JMJD1C: variants seen among roughly 807,000 people sequenced by gnomAD.
The protein encoded by JMJD1C is jumonji domain containing 1C, also known as jumonji domain-containing protein 1C.
A neutral mutation model predicts 245.3 loss-of-function variants in JMJD1C; 31 were observed. That is an observed-to-expected ratio of 0.13 (90% CI 0.09 to 0.17). JMJD1C has a LOEUF of 0.17. JMJD1C is among the 10% of genes least tolerant of loss of function. JMJD1C has a pLI of 1.00. For missense variants in JMJD1C, 2,691 were observed against 3,000.2 expected (o/e 0.90, Z 2.41); for synonymous variants, 1,057 against 1,017.4 (o/e 1.04, Z -0.74).
chr10:63,394,385 CAGGGAGAA>C (rs1015676451), intron 1 of JMJD1C, among the ~76,000 whole-genome samples: 7 of 152,104 alleles, frequency 4.6e-5, no homozygotes, highest in African/African-American at 1.7e-4. Flanking sequence ...TGAATGCCTG[CAGGGAGAA>C]AGTAAATAAA....
chr10:63,295,192 C>A (rs938563622), intron 2 of JMJD1C, among the ~76,000 whole-genome samples: 2 of 151,940 alleles, frequency 1.3e-5, no homozygotes, highest in South Asian at 4.2e-4. Context: ...CTCCTCAGAT[C>A]AAGTGATCCT....
At chr10:63,485,837 G>A (rs1472346107) in intron 1 of JMJD1C, among the ~76,000 whole-genome samples, 1 of 152,154 alleles carries the variant, frequency 6.6e-6, no homozygotes, top group Non-Finnish European at 1.5e-5. Context: ...GCCAGGTACT[G>A]TTGCCTTGTA....
At position 63,301,461 on chromosome 10, in the gene JMJD1C, G is replaced by A. The variant is rs544286076; in HGVS notation, c.334-36697C>T. Among the ~76,000 whole-genome samples the A allele has an allele frequency of 1.0e-3, 158 of 152,352 alleles. 1 individual carries two copies. Among genetic ancestry groups the A allele is most frequent in the African/African-American group, 3.7e-3 (153 of 41,590 alleles). On this transcript the variant is annotated intron_variant, in intron 2 of 25. Coordinates refer to ENST00000399262, the MANE Select transcript of JMJD1C (RefSeq NM_032776.3). ...ATGCATTCTTATGTTTTCTTCCAGA[G>A]ATATGGTATGCATATTCAAGCACAC...
At chr10:63,321,096 G>A (rs1189403547) in intron 2 of JMJD1C, among the ~76,000 whole-genome samples, 2 of 152,224 alleles carry the variant, frequency 1.3e-5, no homozygotes, top group Non-Finnish European at 2.9e-5. Flanking sequence ...CACGTGCCAG[G>A]TGGGTGGCAC....
At chr10:63,237,767 C>T (rs1332931439) in intron 3 of JMJD1C, among the ~76,000 whole-genome samples, 1 of 152,016 alleles carries the variant, frequency 6.6e-6, no homozygotes, top group African/African-American at 2.4e-5. Flanking sequence ...CCAAAATGCT[C>T]CAATGAGCAC....
chr10:63,294,818 A>G (rs556416739), intron 2 of JMJD1C, among the ~76,000 whole-genome samples: 1 of 152,320 alleles, frequency 6.6e-6, no homozygotes, highest in East Asian at 1.9e-4. Flanking sequence ...TATTTTCCAT[A>G]GTATCTAAAA....
chr10:63,422,432 T>G (rs571829615), intron 1 of JMJD1C, among the ~76,000 whole-genome samples: 1 of 152,230 alleles, frequency 6.6e-6, no homozygotes, highest in Non-Finnish European at 1.5e-5. Flanking sequence ...AAAAGAACAC[T>G]TGCCATTTGC....
intron 1 of JMJD1C, among the ~76,000 whole-genome samples, chr10:63,476,151 A>G (rs186801220): frequency 6.6e-6 from 1 of 151,938 alleles, no homozygotes; most frequent in Non-Finnish European, 1.5e-5. Flanking sequence ...AAGAGGTTGC[A>G]GTGAGCCGAG....
intron 3 of JMJD1C, among the ~76,000 whole-genome samples, chr10:63,260,395 C>T (rs1007069037): frequency 3.9e-5 from 6 of 152,042 alleles, no homozygotes; most frequent in African/African-American, 7.2e-5. Flanking sequence ...GGTGTGTGCA[C>T]GGCCAGTAGC....
intron 1 of JMJD1C, among the ~76,000 whole-genome samples, chr10:63,449,734 G>A (rs572464172): frequency 6.6e-6 from 1 of 152,172 alleles, no homozygotes; most frequent in South Asian, 2.1e-4. Context: ...AATAGCTGGA[G>A]GGATACTACA....
At chr10:63,285,203 GA>G (rs1457890928) in intron 2 of JMJD1C, among the ~76,000 whole-genome samples, 2 of 152,096 alleles carry the variant, frequency 1.3e-5, no homozygotes, top group African/African-American at 4.8e-5. Context: ...ACGCACGACA[GA>G]AAAAGCATTA....
intron 13 of JMJD1C, among the ~76,000 whole-genome samples, chr10:63,196,800 A>G (rs1323492275): frequency 6.6e-6 from 1 of 152,098 alleles, no homozygotes; most frequent in Non-Finnish European, 1.5e-5. Context: ...TGATTCATTT[A>G]ATTACTTCCT....
At chr10:63,463,919 A>C (rs910671139) in intron 1 of JMJD1C, among the ~76,000 whole-genome samples, 1 of 152,146 alleles carries the variant, frequency 6.6e-6, no homozygotes, top group Non-Finnish European at 1.5e-5. Context: ...ACATATGCAA[A>C]CTTAACTCTT....
chr10:63,234,384 C>T (rs376693084), intron 3 of JMJD1C, among the ~76,000 whole-genome samples: 2 of 149,848 alleles, frequency 1.3e-5, no homozygotes, highest in African/African-American at 4.9e-5. Flanking sequence ...GTCCCAGCTA[C>T]TTGAGAGGCT....
intron 1 of JMJD1C, chr10:63,521,629 TG>T: frequency 7.6e-7 from 1 of 1,313,458 alleles, no homozygotes; most frequent in Non-Finnish European, 1.0e-6. Context: ...AGGGGAGCTG[TG>T]GGAAGGGGAA....
chr10:63,168,042 CACTT>C lies in JMJD1C; in HGVS notation c.7622_*2del, dbSNP rs1842000491. 4.6e-6 allele frequency: 7 copies of C among 1,527,590 alleles called. No homozygotes were observed. The highest frequency in any genetic ancestry group is 6.4e-6 in the Non-Finnish European group (7 of 1,102,066). 94.6% of individuals were successfully genotyped at this position (1,527,590 alleles called of 1,614,324 possible). On this transcript the variant is annotated stop_lost and 3_prime_UTR_variant, in exon 26 of 26. Coordinates refer to ENST00000399262, the MANE Select transcript of JMJD1C (RefSeq NM_032776.3). The stretch of plus-strand genomic sequence containing the variant: ...AACCTAAAAATATCAAACTGGATCA[CACTT>C]AATTTTCTTCCATATCCTCTACTTC...
chr10:63,334,866 T>C (rs1175789140), intron 2 of JMJD1C, among the ~76,000 whole-genome samples: 2 of 151,822 alleles, frequency 1.3e-5, no homozygotes, highest in Non-Finnish European at 2.9e-5. Flanking sequence ...CATCACCACA[T>C]CCGGCTAATT....
chr10:63,392,867 A>AACACACACACAAACACACACACACACAC (rs374404040), intron 1 of JMJD1C, among the ~76,000 whole-genome samples: 1 of 112,282 alleles, frequency 8.9e-6, no homozygotes, highest in East Asian at 2.6e-4. Flanking sequence ...AAAGTACATA[A>AACACACACACAAACACACACACACACAC]ACACACACAC....
chr10:63,185,329 G>GA (rs924381701), intron 20 of JMJD1C, among the ~76,000 whole-genome samples: 1 of 151,958 alleles, frequency 6.6e-6, no homozygotes, highest in African/African-American at 2.4e-5. Flanking sequence ...ATAAGGTTTT[G>GA]TCATGTTGGC....
Sources: allele counts gnomAD v4.1 joint callset (sites outside exome capture counted in the v4.1 genomes callset), GRCh38; gene constraint gnomAD v4.1.1; transcripts MANE v1.5; gene names NCBI Gene and HGNC (gene_info 2026-07-23, HGNC 2026-07-21).